PIP5K1C: variants seen among roughly 807,000 people sequenced by gnomAD.
PIP5K1C encodes phosphatidylinositol-4-phosphate 5-kinase type 1 gamma.
A neutral mutation model predicts 80.1 loss-of-function variants in PIP5K1C; 45 were observed. The ratio of observed to expected loss-of-function variants is 0.56; its 90% confidence interval spans 0.44 to 0.72. The LOEUF (loss-of-function observed/expected upper bound fraction) is 0.72, where lower values mean the gene tolerates loss of function less well. PIP5K1C is among the 30% of genes least tolerant of loss of function. PIP5K1C has a pLI of 0.00. For synonymous variants in PIP5K1C, 498 were observed against 420.1 expected (o/e 1.19, Z -2.27); for missense variants, 753 against 954.6 (o/e 0.79, Z 2.78).
chr19:3,663,575 A>C (rs2034908714), intron 3 of PIP5K1C, among the ~76,000 whole-genome samples: 2 of 152,230 alleles, frequency 1.3e-5, no homozygotes, highest in South Asian at 2.1e-4. Flanking sequence ...GCCAGTCGGG[A>C]GGCCGGGGTG....
chr19:3,682,985 C>A (rs2035634822), intron 1 of PIP5K1C, among the ~76,000 whole-genome samples: 1 of 150,588 alleles, frequency 6.6e-6, no homozygotes, highest in African/African-American at 2.4e-5. Context: ...CTCTCCTCCC[C>A]CTCCCTCCCC....
At chr19:3,678,550 AGATGGAAGGAGGG>A (rs1568350585) in intron 1 of PIP5K1C, among the ~76,000 whole-genome samples, 3 of 32,438 alleles carry the variant, frequency 9.2e-5, no homozygotes, top group Admixed American at 6.9e-4. Context: ...AGGGATGGAG[AGATGGAAGGAGGG>A]ATGGAGGGAG....
At chr19:3,634,609 G>A (rs141732466) in intron 16 of PIP5K1C, among the ~76,000 whole-genome samples, 1,840 of 152,286 alleles carry the variant, frequency 0.012, 22 homozygotes, top group Middle Eastern at 0.021. Context: ...TCAGGATGAC[G>A]CTGCCCACCT....
chr19:3,679,873 A>G (rs183554302), intron 1 of PIP5K1C, among the ~76,000 whole-genome samples: 20 of 152,278 alleles, frequency 1.3e-4, no homozygotes, highest in Admixed American at 1.0e-3. Flanking sequence ...AGGCAACTGG[A>G]GCCTAGAACG....
At chr19:3,636,354 G>T (rs1350386225) in intron 16 of PIP5K1C, 2 of 982,140 alleles carry the variant, frequency 2.0e-6, no homozygotes, top group Non-Finnish European at 2.4e-6. Context: ...AGGCCTTGGG[G>T]TGCTTTCAAT....
At chr19:3,679,061 A>C (rs2035508252) in intron 1 of PIP5K1C, among the ~76,000 whole-genome samples, 1 of 151,986 alleles carries the variant, frequency 6.6e-6, no homozygotes, top group South Asian at 2.1e-4. Context: ...CCAGGCGGTA[A>C]GTCGTGGGTC....
At chr19:3,673,462 C>T (rs985521478) in intron 1 of PIP5K1C, among the ~76,000 whole-genome samples, 1 of 152,204 alleles carries the variant, frequency 6.6e-6, no homozygotes, top group African/African-American at 2.4e-5. Flanking sequence ...CTGAGGGCAG[C>T]AAGGGAAGGC....
At chr19:3,639,550 G>A (rs1009381483) in intron 15 of PIP5K1C, among the ~76,000 whole-genome samples, 2 of 152,062 alleles carry the variant, frequency 1.3e-5, no homozygotes, top group African/African-American at 4.8e-5. Context: ...TCCAACCTTG[G>A]CCTCCCAAGT....
chr19:3,670,597 GC>G (rs1288717943), intron 1 of PIP5K1C, among the ~76,000 whole-genome samples: 1 of 152,222 alleles, frequency 6.6e-6, no homozygotes, highest in Non-Finnish European at 1.5e-5. Context: ...GCTGCTCCAA[GC>G]CCCCCAGTCC....
At chr19:3,684,141 G>A (rs1328672744) in intron 1 of PIP5K1C, among the ~76,000 whole-genome samples, 2 of 152,106 alleles carry the variant, frequency 1.3e-5, no homozygotes, top group African/African-American at 2.4e-5. Context: ...TGGACCTCAG[G>A]ATTCCTCAAA....
Position 3,637,426 on chromosome 19 carries a change from T to C in PIP5K1C, c.1920+1458A>G, listed in dbSNP as rs1211771348. The C allele has an allele frequency of 2.6e-6, 4 of 1,535,592 alleles. No individual in the cohort carries two copies. In the Admixed American group the frequency reaches 7.8e-5, roughly 30 times the overall value. Reference sequence around the variant, plus strand: ...AGCCGTGATTTACCCAAAGCCCTTCTGGAAAACAACTGACGTCAGACACTG... The same window carrying C: ...AGCCGTGATTTACCCAAAGCCCTTCCGGAAAACAACTGACGTCAGACACTG... On this transcript the variant is annotated intron_variant, in intron 16 of 17. Transcript: ENST00000335312. The surrounding 1 kb of genome is among the most constrained non-coding windows in gnomAD (Gnocchi z 7.0).
intron 3 of PIP5K1C, among the ~76,000 whole-genome samples, chr19:3,662,456 C>T (rs775293003): frequency 5.7e-4 from 87 of 152,376 alleles, no homozygotes; most frequent in Non-Finnish European, 1.0e-3. Flanking sequence ...CGTGGTCACA[C>T]TGGGCAACCC....
At position 3,633,021 on chromosome 19, in the gene PIP5K1C, G is replaced by T; in HGVS notation, c.*146C>A. 1 of 558,478 alleles carries T rather than the reference G, an allele frequency of 1.8e-6. No homozygotes were observed. Among genetic ancestry groups the T allele is most frequent in the Admixed American group, 3.0e-5 (1 of 33,334 alleles). 34.6% of individuals were successfully genotyped at this position (558,478 alleles called of 1,614,324 possible). A position where few individuals can be genotyped will look rare whatever the true frequency, so the allele number is the denominator to read the frequency against. The stretch of plus-strand genomic sequence containing the variant: ...CTTGTCGGGGAGGGGCCCGGCCGTC[G>T]GCATCCGTGCAGGGGGAGGACGAGG... On this transcript the variant is annotated 3_prime_UTR_variant, in exon 18 of 18. Coordinates refer to ENST00000335312, the MANE Select transcript of PIP5K1C (RefSeq NM_012398.3).
chr19:3,647,804 G>A (rs1476720660), intron 9 of PIP5K1C, among the ~76,000 whole-genome samples: 2 of 152,148 alleles, frequency 1.3e-5, no homozygotes, highest in African/African-American at 2.4e-5. Context: ...AAAATTAGCC[G>A]GGCGTGCTGG....
chr19:3,651,741 G>T, intron 8 of PIP5K1C, 85 bp downstream of exon 8: 3 of 1,382,092 alleles, frequency 2.2e-6, no homozygotes, highest in South Asian at 1.2e-5. Flanking sequence ...CTCCCTGCCT[G>T]TTTTCACACT....
Position 3,644,132 on chromosome 19 carries a change from A to C in PIP5K1C, c.1465T>G (p.Tyr489Asp), listed in dbSNP as rs1376376534. 1.2e-6 allele frequency: 2 copies of C among 1,611,860 alleles called. No homozygotes were observed. The highest frequency in any genetic ancestry group is 8.5e-7 in the Non-Finnish European group (1 of 1,179,828). ...QIPSEREEAQ[Y>D]DLRGARSYPT... ...TAGCTGCGGGCCCCCCGCAGGTCGT[A>C]CTGGGCCTCCTCCCGCTCGCTAGGG... The change falls in exon 12 of 18, where the codon TAC becomes GAC. Residue 489 changes from tyrosine (Y) to aspartate (D), a missense_variant. Physicochemically the swap from Tyr to Asp is radical, Grantham distance 160. Coordinates refer to ENST00000335312, the MANE Select transcript of PIP5K1C (RefSeq NM_012398.3).
intron 1 of PIP5K1C, among the ~76,000 whole-genome samples, chr19:3,682,842 C>T (rs2035628792): frequency 6.6e-6 from 1 of 152,222 alleles, no homozygotes; most frequent in South Asian, 2.1e-4. Context: ...AGCTACGCCG[C>T]TCCCAGACTC....
intron 15 of PIP5K1C, among the ~76,000 whole-genome samples, chr19:3,640,601 A>G (rs1382441974): frequency 3.3e-5 from 5 of 152,010 alleles, no homozygotes; most frequent in African/African-American, 9.7e-5. Context: ...AAAAACAGAT[A>G]TTTCTTTTAA....
At position 3,653,338 on chromosome 19, in the gene PIP5K1C, G is replaced by A. The variant is rs1395591396; in HGVS notation, c.873C>T (p.Asp291=). The change falls in exon 7 of 18, where the codon GAC becomes GAT. Residue 291 remains aspartate (D), a synonymous_variant. Transcript: ENST00000335312. ...MQDMPEGLLL[D]ADTFSALVKT... ...TGACCAGGGCGCTGAAGGTGTCGGC[G>A]TCCAGCAGGAGCCCCTCGGGCATGT... 7.4e-6 allele frequency: 12 copies of A among 1,611,292 alleles called. No homozygotes were observed. Among genetic ancestry groups the A allele is most frequent in the African/African-American group, 5.3e-5 (4 of 74,934 alleles).
Sources: allele counts gnomAD v4.1 joint callset (sites outside exome capture counted in the v4.1 genomes callset), GRCh38; gene constraint gnomAD v4.1.1; non-coding constraint Gnocchi (gnomAD v3.1); transcripts MANE v1.5; gene names NCBI Gene and HGNC (gene_info 2026-07-23, HGNC 2026-07-21).